The following SLC35A1 variants were observed in gnomAD, a reference collection of about 807,000 sequenced individuals.
The protein encoded by SLC35A1 is CMP-sialic acid transporter.
A neutral mutation model predicts 40.3 loss-of-function variants in SLC35A1; 21 were observed. That is an observed-to-expected ratio of 0.52 (90% CI 0.37 to 0.75). The LOEUF (loss-of-function observed/expected upper bound fraction) is 0.75, where lower values mean the gene tolerates loss of function less well. Among genes scored for constraint, SLC35A1 ranks in the 30% least tolerant of loss-of-function variants. The pLI, the probability that SLC35A1 is intolerant of heterozygous loss-of-function variation, is 0.00. For synonymous variants in SLC35A1, 146 were observed against 147.3 expected, an observed-to-expected ratio of 0.99 and a Z score of 0.06; for missense variants, 297 against 382.1, an observed-to-expected ratio of 0.78 and a Z score of 1.86.
intron 2 of SLC35A1, among the ~76,000 whole-genome samples, chr6:87,484,977 T>A (rs1435882280): frequency 1.3e-5 from 2 of 152,160 alleles, no homozygotes. Flanking sequence ...TCTTTTAGAT[T>A]TAGTGTTTGC....
intron 1 of SLC35A1, among the ~76,000 whole-genome samples, chr6:87,475,384 G>A (rs1473121747): frequency 6.6e-6 from 1 of 152,134 alleles, no homozygotes; most frequent in Non-Finnish European, 1.5e-5. Context: ...CTGATTAAAG[G>A]TTATTGCTGT....
chr6:87,476,209 T>G (rs1722074290), intron 1 of SLC35A1, among the ~76,000 whole-genome samples: 1 of 152,204 alleles, frequency 6.6e-6, no homozygotes, highest in Non-Finnish European at 1.5e-5. Context: ...TTTATAGAGG[T>G]GTGTTCTTAA....
Position 87,509,030 on chromosome 6 carries a change from C to T in SLC35A1, c.752-11C>T, listed in dbSNP as rs751031317. The T allele has an allele frequency of 3.1e-6, 5 of 1,613,724 alleles. No individual in the cohort carries two copies. In the South Asian group the frequency reaches 5.5e-5, roughly 18 times the overall value. On this transcript the variant is annotated splice_polypyrimidine_tract_variant and intron_variant, in intron 6 of 7. Transcript: ENST00000369552. The stretch of plus-strand genomic sequence containing the variant: ...TTGAGTGATAAGATTTTATTTCTCT[C>T]TGTATACAAGTTCTTGCAAGTGTTG...
chr6:87,474,076 TAAAAGA>T (rs1768999169), intron 1 of SLC35A1, among the ~76,000 whole-genome samples: 2 of 152,048 alleles, frequency 1.3e-5, no homozygotes, highest in African/African-American at 4.8e-5. Flanking sequence ...ACACAGGAAA[TAAAAGA>T]AAAAGAAATA....
rs1393933656 is a variant in SLC35A1, at chr6:87,501,250, T to C, written c.447T>C (p.Phe149=). Residue 149 remains phenylalanine, a synonymous_variant, in exon 4 of 8, where the codon TTT becomes TTC. Coordinates refer to ENST00000369552, the MANE Select transcript of SLC35A1 (RefSeq NM_006416.5). ...GCAAATTACAGTGGGTTTCAGTTTT[T>C]ATGCTGTGTGCTGGAGTTACGCTTG... ...TLSKLQWVSV[F]MLCAGVTLVQ... 6.2e-7 allele frequency: 1 copy of C among 1,614,076 alleles called. No individual in the cohort carries two copies. The highest frequency in any genetic ancestry group is 8.5e-7 in the Non-Finnish European group (1 of 1,180,036).
chr6:87,511,149 CAGTT>C (rs1393919291), intron 7 of SLC35A1, among the ~76,000 whole-genome samples: 9 of 152,014 alleles, frequency 5.9e-5, no homozygotes, highest in African/African-American at 2.2e-4. Context: ...CAGATAGTGT[CAGTT>C]AGGCATACTC....
chr6:87,483,128 A>G (rs1282182457), intron 2 of SLC35A1, among the ~76,000 whole-genome samples: 4 of 152,136 alleles, frequency 2.6e-5, no homozygotes, highest in Non-Finnish European at 5.9e-5. Flanking sequence ...TAGCTTTTAA[A>G]GGAATAGGGT....
intron 2 of SLC35A1, among the ~76,000 whole-genome samples, chr6:87,488,261 T>G (rs561467499): frequency 5.1e-4 from 77 of 152,278 alleles, no homozygotes; most frequent in African/African-American, 1.8e-3. Flanking sequence ...AAGACATTGT[T>G]AAAAAACAAT....
In SLC35A1 at chr6:87,477,449, G is replaced by A. The variant is rs760647415; in HGVS notation, c.104G>A (p.Arg35Lys). 1.2e-6 allele frequency: 2 copies of A among 1,613,580 alleles called. No homozygotes were observed. Residue 35 changes from arginine (R) to lysine (K), a missense_variant, in exon 2 of 8, where the codon AGG becomes AAG. By Grantham distance (26) the Arg-to-Lys change is conservative. Transcript: ENST00000369552. ...AVYTIALRYT[R>K]TSDKELYFST... ...TATACCATAGCTTTAAGATACACAAGGACATCAGACAAAGAACTCTACTTT... is the reference window on the plus strand; with the variant it reads ...TATACCATAGCTTTAAGATACACAAAGACATCAGACAAAGAACTCTACTTT...
intron 1 of SLC35A1, among the ~76,000 whole-genome samples, chr6:87,474,090 A>G (rs1225194060): frequency 3.9e-5 from 6 of 152,276 alleles, no homozygotes; most frequent in Admixed American, 3.3e-4. Context: ...AGAAAAAGAA[A>G]TAGAATTGTT....
chr6:87,502,480 T>TA (rs1409606070), intron 4 of SLC35A1, among the ~76,000 whole-genome samples: 1 of 152,216 alleles, frequency 6.6e-6, no homozygotes, highest in Admixed American at 6.5e-5. Flanking sequence ...ATAGACTACT[T>TA]ACTACACATC....
chr6:87,495,356 A>G (rs183366118), intron 2 of SLC35A1, among the ~76,000 whole-genome samples: 94 of 152,390 alleles, frequency 6.2e-4, no homozygotes, highest in Admixed American at 2.5e-3. Context: ...GGGTGTGTTT[A>G]GTAACAAACC....
At chr6:87,504,107 T>C (rs1770004249) in intron 4 of SLC35A1, among the ~76,000 whole-genome samples, 1 of 152,080 alleles carries the variant, frequency 6.6e-6, no homozygotes, top group Admixed American at 6.6e-5. Context: ...CTGGGTAATA[T>C]AGTGAGACCA....
At chr6:87,495,202 C>T (rs1158454866) in intron 2 of SLC35A1, among the ~76,000 whole-genome samples, 2 of 152,170 alleles carry the variant, frequency 1.3e-5, no homozygotes, top group Admixed American at 6.5e-5. Context: ...TCAAGCAATC[C>T]GTCTGCCATG....
At chr6:87,473,077 TCTGCGCTGGTCAGCCCCTGTCGGG>T in intron 1 of SLC35A1, 58 bp downstream of exon 1, 1 of 444,356 alleles carries the variant, frequency 2.3e-6, no homozygotes, top group Non-Finnish European at 3.9e-6. Context: ...CGGGCGAGCA[TCTGCGCTGGTCAGCCCCTGTCGGG>T]CAGCGGAGCA....
At chr6:87,504,504 TTCAG>T (rs1770020811) in intron 4 of SLC35A1, among the ~76,000 whole-genome samples, 1 of 152,224 alleles carries the variant, frequency 6.6e-6, no homozygotes, top group Non-Finnish European at 1.5e-5. Context: ...AACCTCCTTC[TTCAG>T]TAACTCTTAA....
chr6:87,493,251 A>G (rs1283652359), intron 2 of SLC35A1, among the ~76,000 whole-genome samples: 1 of 152,296 alleles, frequency 6.6e-6, no homozygotes, highest in East Asian at 1.9e-4. Flanking sequence ...ATCTTGTTAC[A>G]GGCTTTTCTT....
At chr6:87,501,889 G>A (rs545607477) in intron 4 of SLC35A1, among the ~76,000 whole-genome samples, 2 of 152,248 alleles carry the variant, frequency 1.3e-5, no homozygotes, top group East Asian at 1.9e-4. Flanking sequence ...AAGAGTTAAC[G>A]CTAAGATACA....
chr6:87,501,487 G>C (rs887986634), intron 4 of SLC35A1, among the ~76,000 whole-genome samples, 177 bp downstream of exon 4: 2 of 152,088 alleles, frequency 1.3e-5, no homozygotes, highest in Non-Finnish European at 2.9e-5. Flanking sequence ...AATACTTATT[G>C]GTTGTTTCTC....
Sources: allele counts gnomAD v4.1 joint callset (sites outside exome capture counted in the v4.1 genomes callset), GRCh38; gene constraint gnomAD v4.1.1; transcripts MANE v1.5; gene names NCBI Gene and HGNC (gene_info 2026-07-23, HGNC 2026-07-21).